Variants in OXR1 observed in about 807,000 individuals in gnomAD.
OXR1 encodes oxidation resistance protein 1.
A neutral mutation model predicts 104.6 loss-of-function variants in OXR1; 41 were observed. The ratio of observed to expected loss-of-function variants is 0.39; its 90% CI spans 0.31 to 0.51. OXR1 has a LOEUF of 0.51. Among genes scored for constraint, OXR1 ranks in the 20% least tolerant of loss-of-function variants. The probability of loss-of-function intolerance (pLI) is 0.77; values close to 1 mark genes in which losing one functional copy is unlikely to be tolerated. For missense variants in OXR1, 955 were observed against 1,031.9 expected, an observed-to-expected ratio of 0.93 and a Z score of 1.02; for synonymous variants, 348 against 348.4, an observed-to-expected ratio of 1.00 and a Z score of 0.01.
intron 3 of OXR1, among the ~76,000 whole-genome samples, chr8:106,614,573 T>G (rs1462130454): frequency 1.3e-5 from 2 of 152,206 alleles, no homozygotes; most frequent in Non-Finnish European, 2.9e-5. Context: ...GTATACCTAG[T>G]GGACAGCTCT....
intron 2 of OXR1, among the ~76,000 whole-genome samples, chr8:106,397,760 A>C (rs1817839525): frequency 6.6e-6 from 1 of 152,112 alleles, no homozygotes; most frequent in African/African-American, 2.4e-5. Context: ...AATATGTTCA[A>C]CTTGGCCTTA....
Position 106,751,077 on chromosome 8 carries a change from G to T in OXR1, c.*136G>T, listed in dbSNP as rs1835857956. ...TTAGTCTGTATCACCATTTATTACA[G>T]TTATAATTTTGGAGTTTATTTTTCA... is the stretch of plus-strand genomic sequence containing the variant. On this transcript the variant is annotated 3_prime_UTR_variant, in exon 17 of 17. Coordinates refer to ENST00000517566, the MANE Select transcript of OXR1 (RefSeq NM_001198533.2). 3.2e-6 allele frequency: 2 copies of T among 619,846 alleles called. No individual in the cohort carries two copies. The highest frequency in any genetic ancestry group is 5.3e-6 in the Non-Finnish European group (2 of 379,758). 38.4% of individuals were successfully genotyped at this position (619,846 alleles called of 1,614,324 possible). A position where few individuals can be genotyped will look rare whatever the true frequency, so the allele number is the denominator to read the frequency against.
At chr8:106,647,205 T>A (rs1209194165) in intron 3 of OXR1, among the ~76,000 whole-genome samples, 1 of 152,212 alleles carries the variant, frequency 6.6e-6, no homozygotes. Flanking sequence ...ATTTTCAGAA[T>A]TGAAAGAAAA....
chr8:106,378,445 C>T (rs1232470658), intron 2 of OXR1, among the ~76,000 whole-genome samples: 3 of 152,180 alleles, frequency 2.0e-5, no homozygotes, highest in Non-Finnish European at 4.4e-5. Flanking sequence ...GAGCAGGACT[C>T]TATTAATGTC....
At chr8:106,699,508 C>T (rs73699994) in intron 7 of OXR1, among the ~76,000 whole-genome samples, 85 of 152,188 alleles carry the variant, frequency 5.6e-4, no homozygotes, top group African/African-American at 1.8e-3. Context: ...CCTAGCATTC[C>T]GGTGTCTGAA....
At chr8:106,711,759 G>A (rs1831712282) in intron 10 of OXR1, among the ~76,000 whole-genome samples, 1 of 152,030 alleles carries the variant, frequency 6.6e-6, no homozygotes, top group African/African-American at 2.4e-5. Flanking sequence ...ATGTGAAAAA[G>A]GCCAAGTGAC....
intron 4 of OXR1, among the ~76,000 whole-genome samples, chr8:106,681,237 C>T (rs1040317579): frequency 2.6e-5 from 4 of 151,908 alleles, no homozygotes; most frequent in Non-Finnish European, 4.4e-5. Context: ...ACAGATTTTA[C>T]TGCAAAATAT....
At chr8:106,570,064 A>C (rs1482025434) in intron 3 of OXR1, among the ~76,000 whole-genome samples, 1 of 152,130 alleles carries the variant, frequency 6.6e-6, no homozygotes, top group East Asian at 1.9e-4. Flanking sequence ...CTTTGATCTG[A>C]GTTTGACCCC....
At chr8:106,581,316 C>T (rs1267024098) in intron 3 of OXR1, 5 of 1,081,982 alleles carry the variant, frequency 4.6e-6, no homozygotes, top group Non-Finnish European at 6.2e-6. Context: ...AAAATGTCAA[C>T]CACTTGTTGA....
chr8:106,484,253 A>G (rs960194808), intron 2 of OXR1, among the ~76,000 whole-genome samples: 1 of 152,040 alleles, frequency 6.6e-6, no homozygotes, highest in African/African-American at 2.4e-5. Context: ...GGACAACTAT[A>G]GTTAACAATT....
chr8:106,487,138 T>G (rs201707668), intron 2 of OXR1, among the ~76,000 whole-genome samples: 1 of 151,132 alleles, frequency 6.6e-6, no homozygotes, highest in Non-Finnish European at 1.5e-5. Context: ...ATTCTCCTGC[T>G]TCAGCCTCTG....
chr8:106,278,070 T>C (rs1008413463), intron 1 of OXR1, among the ~76,000 whole-genome samples: 4 of 152,326 alleles, frequency 2.6e-5, no homozygotes, highest in African/African-American at 7.2e-5. Context: ...TGGGTCATGG[T>C]TAAAGTCTAG....
At chr8:106,693,702 A>G (rs762986381) in intron 7 of OXR1, among the ~76,000 whole-genome samples, 1 of 152,062 alleles carries the variant, frequency 6.6e-6, no homozygotes, top group Non-Finnish European at 1.5e-5. Context: ...AAGTGCTGGG[A>G]TTACAGGTGT....
At chr8:106,589,109 A>G (rs1199733595) in intron 3 of OXR1, among the ~76,000 whole-genome samples, 1 of 151,982 alleles carries the variant, frequency 6.6e-6, no homozygotes, top group Non-Finnish European at 1.5e-5. Flanking sequence ...TTAAAGGGGG[A>G]CTTGGTGTGA....
rs137933414 is a variant in OXR1 at position 106,653,158 on chromosome 8, C to G, written c.221-26052C>G. Among the ~76,000 whole-genome samples, 359 of 150,488 alleles carry G rather than the reference C, an allele frequency of 2.4e-3. 3 individuals are homozygous for G. Among genetic ancestry groups the G allele is most frequent in the African/African-American group, 8.2e-3 (339 of 41,170 alleles). On this transcript the variant is annotated intron_variant, in intron 3 of 16. Coordinates refer to ENST00000517566, the MANE Select transcript of OXR1 (RefSeq NM_001198533.2). ...GAAAGAAAAGCCTAGAGCCAGATGGCTTCAATGGTGAATTCTACCAAACAT... is the reference window on the plus strand; with the variant it reads ...GAAAGAAAAGCCTAGAGCCAGATGGGTTCAATGGTGAATTCTACCAAACAT...
intron 10 of OXR1, among the ~76,000 whole-genome samples, chr8:106,712,905 CCCTA>C (rs1831842813): frequency 6.6e-6 from 1 of 151,842 alleles, no homozygotes; most frequent in Admixed American, 6.6e-5. Context: ...ACATGGAATT[CCCTA>C]TTTTAATATT....
At chr8:106,472,615 T>C (rs902540747) in intron 2 of OXR1, among the ~76,000 whole-genome samples, 4 of 151,868 alleles carry the variant, frequency 2.6e-5, no homozygotes, top group African/African-American at 9.7e-5. Context: ...AAAAGGTATG[T>C]CTACATGCAG....
chr8:106,690,672 T>C (rs57273012), intron 6 of OXR1, among the ~76,000 whole-genome samples: 2,450 of 151,950 alleles, frequency 0.016, 36 homozygotes, highest in Admixed American at 0.047. Flanking sequence ...TTTTATTCTG[T>C]ATTTGATTTT....
intron 1 of OXR1, among the ~76,000 whole-genome samples, chr8:106,301,082 C>T (rs1338561435): frequency 2.6e-5 from 4 of 152,074 alleles, no homozygotes; most frequent in African/African-American, 4.8e-5. Flanking sequence ...ATAAAAGATG[C>T]GGCTATAAAC....
Sources: allele counts gnomAD v4.1 joint callset (sites outside exome capture counted in the v4.1 genomes callset), GRCh38; gene constraint gnomAD v4.1.1; transcripts MANE v1.5; gene names NCBI Gene and HGNC (gene_info 2026-07-23, HGNC 2026-07-21).